Variants in CNST observed in about 807,000 individuals in gnomAD.
CNST encodes consortin, connexin sorting protein.
Under a neutral mutation model 72.4 loss-of-function variants are expected in CNST, and 39 were observed. The ratio of observed to expected loss-of-function variants is 0.54; its 90% CI spans 0.42 to 0.70. The LOEUF (loss-of-function observed/expected upper bound fraction) is 0.70, where lower values mean the gene tolerates loss of function less well. Among genes scored for constraint, CNST ranks in the 30% least tolerant of loss-of-function variants. The pLI, the probability that CNST is intolerant of heterozygous loss-of-function variation, is 0.00. For synonymous variants in CNST, 332 were observed against 320.1 expected, an observed-to-expected ratio of 1.04 and a Z score of -0.40; for missense variants, 871 against 868.5, an observed-to-expected ratio of 1.00 and a Z score of -0.04.
At chr1:246,657,518 G>A (rs2103158818) in intron 9 of CNST, among the ~76,000 whole-genome samples, 1 of 152,296 alleles carries the variant, frequency 6.6e-6, no homozygotes, top group East Asian at 1.9e-4. Context: ...GTGACGGAGG[G>A]GGTGTCAAAA....
At chr1:246,599,825 A>G (rs910153004) in intron 2 of CNST, among the ~76,000 whole-genome samples, 1 of 152,226 alleles carries the variant, frequency 6.6e-6, no homozygotes, top group African/African-American at 2.4e-5. Context: ...TTTTTCTGAC[A>G]TTATTTTGTA....
intron 1 of CNST, among the ~76,000 whole-genome samples, chr1:246,585,641 CAAAAAAAA>C (rs543693321): frequency 6.1e-4 from 26 of 42,860 alleles, no homozygotes; most frequent in African/African-American, 1.7e-3. Context: ...GACTCTGTCT[CAAAAAAAA>C]AAAAAAAAAA....
At chr1:246,635,693 G>A (rs1303012262) in intron 6 of CNST, among the ~76,000 whole-genome samples, 1 of 152,162 alleles carries the variant, frequency 6.6e-6, no homozygotes. Context: ...GGGCGGTTTG[G>A]TTAGTGATTA....
chr1:246,659,579 A>G (rs1572256159), intron 9 of CNST, among the ~76,000 whole-genome samples: 2 of 151,022 alleles, frequency 1.3e-5, no homozygotes, highest in South Asian at 4.2e-4. Flanking sequence ...TGGGCGACAG[A>G]GCAAGACTCT....
chr1:246,600,602 T>G (rs1208229288), intron 2 of CNST, among the ~76,000 whole-genome samples: 1 of 152,186 alleles, frequency 6.6e-6, no homozygotes, highest in Admixed American at 6.5e-5. Flanking sequence ...TCCAGGATAA[T>G]CTAATTCTCA....
chr1:246,579,180 A>G (rs1660630980), intron 1 of CNST, among the ~76,000 whole-genome samples: 1 of 152,212 alleles, frequency 6.6e-6, no homozygotes. Context: ...TGTTAACATA[A>G]AATTAGCATC....
chr1:246,582,651 G>T (rs915559603), intron 1 of CNST, among the ~76,000 whole-genome samples: 2 of 152,152 alleles, frequency 1.3e-5, no homozygotes, highest in Non-Finnish European at 2.9e-5. Context: ...CTCTGGCCCC[G>T]CCTCCGTTTA....
At position 246,621,846 on chromosome 1, in the gene CNST, T is replaced by C. The variant is rs533922148; in HGVS notation, c.585+212T>C. ...CCCATCTCTACAAAATATACAAAAA[T>C]TAGCCGGGCATGGTGGTGCACACCT... On this transcript the variant is annotated intron_variant, in intron 3 of 10. Coordinates refer to ENST00000366513, the MANE Select transcript of CNST (RefSeq NM_152609.3). 3.3e-5 allele frequency among the ~76,000 whole-genome samples: 5 copies of C among 152,148 alleles called. No individual in the cohort carries two copies. The East Asian group carries it at 7.7e-4, about 24-fold the overall frequency.
At chr1:246,648,157 G>T in intron 9 of CNST, 120 bp downstream of exon 9, 1 of 1,445,204 alleles carries the variant, frequency 6.9e-7, no homozygotes, top group Non-Finnish European at 9.1e-7. Flanking sequence ...GAAAATTCTA[G>T]TTAACGTAAG....
At chr1:246,578,327 C>G (rs147040671) in intron 1 of CNST, among the ~76,000 whole-genome samples, 3 of 152,008 alleles carry the variant, frequency 2.0e-5, no homozygotes, top group African/African-American at 7.3e-5. Flanking sequence ...CTAAAATTAT[C>G]GTGCTCTAAA....
chr1:246,642,857 G>GTGATGATGATGATGT (rs1665808792), intron 8 of CNST, among the ~76,000 whole-genome samples: 1 of 36,480 alleles, frequency 2.7e-5, no homozygotes, highest in Admixed American at 2.4e-4. Context: ...GATGATGATG[G>GTGATGATGATGATGT]TGTTGATGAT....
At chr1:246,640,503 A>G (rs1367124792) in intron 6 of CNST, among the ~76,000 whole-genome samples, 1 of 152,220 alleles carries the variant, frequency 6.6e-6, no homozygotes, top group Non-Finnish European at 1.5e-5. Context: ...AAAATTCCTT[A>G]TTCAGAGATC....
At chr1:246,623,635 G>A (rs865820520) in intron 3 of CNST, among the ~76,000 whole-genome samples, 8 of 152,130 alleles carry the variant, frequency 5.3e-5, no homozygotes, top group Non-Finnish European at 7.4e-5. Context: ...GGTGGCACGC[G>A]CCTGTAGTCC....
intron 1 of CNST, among the ~76,000 whole-genome samples, chr1:246,586,141 G>GTGTGTA (rs1488972688): frequency 2.1e-3 from 307 of 145,142 alleles, no homozygotes; most frequent in African/African-American, 6.9e-3. Context: ...GTGTGTGTGT[G>GTGTGTA]TATATATTAC....
chr1:246,571,193 G>C (rs748760023), intron 1 of CNST, among the ~76,000 whole-genome samples: 5 of 152,118 alleles, frequency 3.3e-5, no homozygotes, highest in African/African-American at 1.2e-4. Context: ...GTCGCCCAGG[G>C]TGGAGTGCAG....
At chr1:246,659,489 G>A (rs890151420) in intron 9 of CNST, among the ~76,000 whole-genome samples, 4 of 152,114 alleles carry the variant, frequency 2.6e-5, no homozygotes, top group East Asian at 1.9e-4. Flanking sequence ...CAGCTACCCC[G>A]GAGGCTGAGG....
intron 1 of CNST, among the ~76,000 whole-genome samples, chr1:246,573,327 GGAA>G (rs1490835311): frequency 6.6e-6 from 1 of 152,108 alleles, no homozygotes; most frequent in Non-Finnish European, 1.5e-5. Flanking sequence ...CTTGTGACTT[GGAA>G]GAAGATTGTC....
Position 246,625,111 on chromosome 1 carries a change from C to T in CNST, c.585+3477C>T, listed in dbSNP as rs149777748. Reference sequence around the variant, plus strand: ...CATAACATACAAGGCCATTATCAACCCCAAGAAATGAGTCACTGATGCAAT... The same window carrying T: ...CATAACATACAAGGCCATTATCAACTCCAAGAAATGAGTCACTGATGCAAT... On this transcript the variant is annotated intron_variant, in intron 3 of 10. Transcript: ENST00000366513. 3.9e-5 allele frequency among the ~76,000 whole-genome samples: 6 copies of T among 152,290 alleles called. No homozygotes were observed. In the East Asian group the frequency reaches 9.6e-4, roughly 24 times the overall value.
intron 1 of CNST, among the ~76,000 whole-genome samples, chr1:246,588,055 T>C (rs527239185): frequency 6.6e-6 from 1 of 152,324 alleles, no homozygotes; most frequent in Admixed American, 6.5e-5. Flanking sequence ...TTTATCCTTC[T>C]TGCCTACCTT....
Sources: allele counts gnomAD v4.1 joint callset (sites outside exome capture counted in the v4.1 genomes callset), GRCh38; gene constraint gnomAD v4.1.1; transcripts MANE v1.5; gene names NCBI Gene and HGNC (gene_info 2026-07-23, HGNC 2026-07-21).